SEPTIN11: variants seen among roughly 807,000 people sequenced by gnomAD.
SEPTIN11 encodes the protein septin 11.
SEPTIN11 carries 25 observed loss-of-function variants against 51.4 expected under a neutral mutation model. That is an observed-to-expected ratio of 0.49 (90% CI 0.35 to 0.68). SEPTIN11 has a LOEUF of 0.68. Ranked by LOEUF, SEPTIN11 falls within the 30% of genes least tolerant of loss-of-function variation. SEPTIN11 has a pLI of 0.00. For synonymous variants in SEPTIN11, 174 were observed against 184.1 expected (o/e 0.95, Z 0.44); for missense variants, 381 against 520.8 (o/e 0.73, Z 2.61).
chr4:76,964,671 A>C (rs1468983101), intron 1 of SEPTIN11, among the ~76,000 whole-genome samples: 1 of 152,248 alleles, frequency 6.6e-6, no homozygotes, highest in Non-Finnish European at 1.5e-5. Flanking sequence ...CATCACCATC[A>C]TCATCATCAA....
intron 7 of SEPTIN11, 71 bp downstream of exon 7, chr4:77,020,741 A>C: frequency 7.0e-7 from 1 of 1,421,458 alleles, no homozygotes; most frequent in Non-Finnish European, 9.6e-7. Flanking sequence ...CATCACAGAA[A>C]TGCTTGCTGG....
chr4:76,978,257 T>C (rs563048190), intron 1 of SEPTIN11, among the ~76,000 whole-genome samples: 9 of 152,254 alleles, frequency 5.9e-5, no homozygotes, highest in Admixed American at 4.6e-4. Flanking sequence ...CCTTCTCTTG[T>C]TTCCTGCTGT....
At chr4:76,974,515 T>C in intron 1 of SEPTIN11, 2 of 310,714 alleles carry the variant, frequency 6.4e-6, no homozygotes, top group Non-Finnish European at 6.3e-6. Context: ...AGTGACCTGC[T>C]TAAGACCCAT....
chr4:76,964,172 A>G (rs531719672), intron 1 of SEPTIN11, among the ~76,000 whole-genome samples: 1 of 152,284 alleles, frequency 6.6e-6, no homozygotes, highest in South Asian at 2.1e-4. Flanking sequence ...CATGGTGTAT[A>G]TGTGCCACAT....
At chr4:76,964,088 A>G (rs1001827354) in intron 1 of SEPTIN11, among the ~76,000 whole-genome samples, 3 of 152,248 alleles carry the variant, frequency 2.0e-5, no homozygotes, top group Admixed American at 2.0e-4. Context: ...TTTGCTGAGA[A>G]TGATGGTTTC....
chr4:77,012,949 C>T (rs1724982713), intron 4 of SEPTIN11, among the ~76,000 whole-genome samples: 1 of 152,196 alleles, frequency 6.6e-6, no homozygotes, highest in African/African-American at 2.4e-5. Flanking sequence ...CATCTGATTC[C>T]TCAGCTCCCT....
rs1028956825 is a variant in SEPTIN11 at position 77,037,223 on chromosome 4, G to A, written c.*2711G>A. Reference sequence around the variant, plus strand: ...CAAAAAATACAAAAATTAGCCAGGCGTGGTGGCACGTGCCTGTAGTCCCAG... The same window carrying A: ...CAAAAAATACAAAAATTAGCCAGGCATGGTGGCACGTGCCTGTAGTCCCAG... On this transcript the variant is annotated 3_prime_UTR_variant, in exon 10 of 10. Transcript: ENST00000264893. 11 of 537,670 alleles carry A rather than the reference G, an allele frequency of 2.0e-5. No homozygotes were observed. The highest frequency in any genetic ancestry group is 2.9e-4 in the East Asian group (2 of 6,808). The allele number at this position is 537,670 out of a possible 1,614,324, so 33.3% of individuals were successfully genotyped here. A position where few individuals can be genotyped will look rare whatever the true frequency, so the allele number is the denominator to read the frequency against.
intron 7 of SEPTIN11, among the ~76,000 whole-genome samples, chr4:77,021,994 C>T (rs758162947): frequency 8.5e-5 from 13 of 152,224 alleles, no homozygotes; most frequent in Non-Finnish European, 1.2e-4. Context: ...GCAAAACTGA[C>T]CATCTCCAAC....
In SEPTIN11 at chr4:77,024,278, G is replaced by A. The variant is rs1050280114; in HGVS notation, c.953+3608G>A. Among the ~76,000 whole-genome samples the A allele has an allele frequency of 6.6e-6, 1 of 152,022 alleles. No homozygotes were observed. The highest frequency in any genetic ancestry group is 6.5e-5 in the Admixed American group (1 of 15,282). ...CACACTTGCGTCTTTATTGTCTTGT[G>A]GCAGAATATGTATATAACCAGACAT... is the stretch of plus-strand genomic sequence containing the variant. On this transcript the variant is annotated intron_variant, in intron 7 of 9. Transcript: ENST00000264893. This position sits in a 1 kb window ranked among gnomAD's most constrained non-coding sequence, Gnocchi z 4.2.
rs185167699 is a variant in SEPTIN11 at position 76,995,520 on chromosome 4, C to T, written c.28-905C>T. On this transcript the variant is annotated intron_variant, in intron 1 of 9. Transcript: ENST00000264893. ...AGCCAGAACACTAGGAGTCCTGTCT[C>T]CAAGGAGAAGACTTTCAGTGTCTAA... is the stretch of plus-strand genomic sequence containing the variant. Among the ~76,000 whole-genome samples the T allele has an allele frequency of 2.6e-3, 398 of 152,266 alleles. 1 individual carries two copies. The highest frequency in any genetic ancestry group is 5.4e-3 in the Admixed American group (82 of 15,284).
At chr4:77,001,018 C>G (rs554468427) in intron 2 of SEPTIN11, among the ~76,000 whole-genome samples, 6 of 152,286 alleles carry the variant, frequency 3.9e-5, no homozygotes, top group Admixed American at 3.3e-4. Context: ...TTTGTTCAAT[C>G]TACCGTTACC....
At chr4:77,034,429 T>G in intron 9 of SEPTIN11, 68 bp from the exon 10 acceptor site, 1 of 1,324,708 alleles carries the variant, frequency 7.5e-7, no homozygotes, top group South Asian at 1.6e-5. Flanking sequence ...GTGCTGTCGC[T>G]CCTAATTTTC....
chr4:76,968,855 A>G (rs1057329923), intron 1 of SEPTIN11, among the ~76,000 whole-genome samples: 21 of 152,344 alleles, frequency 1.4e-4, no homozygotes, highest in African/African-American at 5.1e-4. Context: ...CAAAATGGTA[A>G]TAAGGAGTAT....
chr4:76,978,942 C>T (rs773276659), intron 1 of SEPTIN11, among the ~76,000 whole-genome samples: 2 of 152,192 alleles, frequency 1.3e-5, no homozygotes, highest in African/African-American at 4.8e-5. Context: ...CTCCATCAAA[C>T]ATACCATGGG....
At chr4:77,023,193 C>T (rs971717724) in intron 7 of SEPTIN11, among the ~76,000 whole-genome samples, 1 of 151,198 alleles carries the variant, frequency 6.6e-6, no homozygotes, top group Admixed American at 6.6e-5. Flanking sequence ...CATGCTTTAT[C>T]CATGTCTCCC....
intron 9 of SEPTIN11, chr4:77,032,206 C>T (rs185459596): frequency 1.3e-5 from 2 of 152,254 alleles, no homozygotes; most frequent in South Asian, 2.1e-4. Flanking sequence ...ACATTCTGAG[C>T]TCTGAGACAG....
intron 1 of SEPTIN11, among the ~76,000 whole-genome samples, chr4:76,950,421 A>G (rs1242334998): frequency 1.3e-5 from 2 of 152,178 alleles, no homozygotes; most frequent in East Asian, 1.9e-4. Flanking sequence ...TCCCCAGCGC[A>G]TTGTGAGATC....
chr4:76,995,154 C>T (rs1402809601), intron 1 of SEPTIN11, among the ~76,000 whole-genome samples: 1 of 150,828 alleles, frequency 6.6e-6, no homozygotes, highest in Non-Finnish European at 1.5e-5. Flanking sequence ...GAGGCCGACG[C>T]GGGCAGATCA....
intron 1 of SEPTIN11, among the ~76,000 whole-genome samples, chr4:76,981,488 TG>T (rs1339864569): frequency 1.3e-5 from 2 of 152,234 alleles, no homozygotes; most frequent in Non-Finnish European, 2.9e-5. Flanking sequence ...CAACAGTATG[TG>T]TGAGAAAAAC....
Sources: gnomAD v4.1 joint callset for allele counts (sites outside exome capture counted in the v4.1 genomes callset) on GRCh38, gnomAD v4.1.1 for gene constraint, Gnocchi (gnomAD v3.1) non-coding constraint, MANE v1.5 for transcripts, NCBI Gene and HGNC (gene_info 2026-07-23, HGNC 2026-07-21) for gene names.